Variants in SLC25A19 observed in about 807,000 individuals in gnomAD.
SLC25A19 encodes solute carrier family 25 member 19, also known as mitochondrial thiamine pyrophosphate carrier.
In SLC25A19, 18 loss-of-function variants were observed where a neutral mutation model predicts 27.9. That is an observed-to-expected ratio of 0.64 (90% CI 0.45 to 0.96). The LOEUF (loss-of-function observed/expected upper bound fraction) is 0.96. SLC25A19 is among the 40% of genes least tolerant of loss of function. The pLI is 0.00. For synonymous variants in SLC25A19, 169 were observed against 167.1 expected (o/e 1.01, Z -0.09); for missense variants, 371 against 418.3 (o/e 0.89, Z 0.99).
Position 75,288,506 on chromosome 17 carries a change from G to A in SLC25A19, c.-43C>T, listed in dbSNP as rs2078234658. The A allele has an allele frequency of 1.3e-5, 2 of 151,798 alleles. No individual in the cohort carries two copies. The highest frequency in any genetic ancestry group is 2.9e-5 in the Non-Finnish European group (2 of 67,980). 9.4% of individuals were successfully genotyped at this position (151,798 alleles called of 1,614,324 possible). A position where few individuals can be genotyped will look rare whatever the true frequency, so the allele number is the denominator to read the frequency against. On this transcript the variant is annotated 5_prime_UTR_variant, in exon 2 of 8. Coordinates refer to ENST00000416858, the MANE Select transcript of SLC25A19 (RefSeq NM_001126121.2). ...AACAAAAACAGTAATACCTACATAC[G>A]GTCTGTAGAGTTGTACAAAGCATAG...
rs1184535422 is a variant in SLC25A19 at position 75,274,975 on chromosome 17, T to TTA, written c.775-1337_775-1336insTA. Among the ~76,000 whole-genome samples the TTA allele has an allele frequency of 2.2e-4, 9 of 40,140 alleles. No individual in the cohort carries two copies. In the East Asian group the frequency reaches 3.3e-3, roughly 15 times the overall value. The allele number at this position is 40,140 out of a possible 152,430, so 26.3% of individuals were successfully genotyped here. On this transcript the variant is annotated intron_variant, in intron 7 of 7. Coordinates refer to ENST00000416858, the MANE Select transcript of SLC25A19 (RefSeq NM_001126121.2). Reference sequence around the variant, plus strand: ...GTGAAATTACAAGGGATTTTGGTCTTTTTTTTTTTTTTTTTTTTTTTTTTT... The same window carrying TTA: ...GTGAAATTACAAGGGATTTTGGTCTTTATTTTTTTTTTTTTTTTTTTTTTTTT...
intron 7 of SLC25A19, among the ~76,000 whole-genome samples, chr17:75,277,068 G>T (rs1247909800): frequency 1.3e-5 from 2 of 151,726 alleles, no homozygotes; most frequent in Non-Finnish European, 2.9e-5. Flanking sequence ...AGTCAGGAGG[G>T]TTCAAGACCA....
At chr17:75,284,272 G>A (rs548377335) in intron 4 of SLC25A19, among the ~76,000 whole-genome samples, 3 of 152,252 alleles carry the variant, frequency 2.0e-5, no homozygotes, top group Non-Finnish European at 2.9e-5. Flanking sequence ...GCATGGTGGC[G>A]TGGGCCTGTA....
intron 4 of SLC25A19, among the ~76,000 whole-genome samples, chr17:75,285,649 T>C (rs933517060): frequency 2.0e-5 from 3 of 152,198 alleles, no homozygotes; most frequent in East Asian, 1.9e-4. Flanking sequence ...GGGTTAATTA[T>C]GTAAGCTCTG....
chr17:75,281,881 C>T (rs780851776), intron 5 of SLC25A19, among the ~76,000 whole-genome samples: 4 of 152,156 alleles, frequency 2.6e-5, no homozygotes, highest in Admixed American at 6.6e-5. Context: ...TAGAGCACCC[C>T]GCACAGTGCT....
At chr17:75,282,652 G>C (rs183170072) in intron 5 of SLC25A19, among the ~76,000 whole-genome samples, 3 of 151,922 alleles carry the variant, frequency 2.0e-5, no homozygotes, top group Non-Finnish European at 4.4e-5. Context: ...TCAGGAGATC[G>C]AGACCATCCT....
At position 75,277,362 on chromosome 17, in the gene SLC25A19, G is replaced by A. The variant is rs1280266061; in HGVS notation, c.765C>T (p.Ala255=). ...QVGGFEHARA[A]FGQVRRYKGL... is the part of the protein sequence containing the mutation. ...GGAGTGAACGGCTCACCTGGCCAAA[G>A]GCAGCTCTGGCATGCTCAAACCCTC... The change falls in exon 7 of 8, where the codon GCC becomes GCT. Residue 255 remains alanine (A), a synonymous_variant. Coordinates refer to ENST00000416858, the MANE Select transcript of SLC25A19 (RefSeq NM_001126121.2). The A allele has an allele frequency of 6.2e-7, 1 of 1,613,568 alleles. No individual in the cohort carries two copies.
At chr17:75,287,588 T>C (rs2078213630) in intron 2 of SLC25A19, 1 of 152,214 alleles carries the variant, frequency 6.6e-6, no homozygotes, top group Admixed American at 6.5e-5. Flanking sequence ...TGATAGGCAA[T>C]TGTTGGTCCC....
At chr17:75,286,940 G>T in intron 2 of SLC25A19, 138 bp from the exon 3 acceptor site, 2 of 835,144 alleles carry the variant, frequency 2.4e-6, no homozygotes, top group Non-Finnish European at 1.9e-6. Context: ...AGCGGTTCAT[G>T]CCTGTATCCC....
intron 5 of SLC25A19, among the ~76,000 whole-genome samples, chr17:75,279,701 G>T (rs2077988064): frequency 1.3e-5 from 2 of 151,802 alleles, no homozygotes; most frequent in African/African-American, 2.4e-5. Flanking sequence ...TAGAGACGGG[G>T]TTTCATCATG....
chr17:75,278,243 G>A lies in SLC25A19; in HGVS notation c.552C>T (p.Ala184=), dbSNP rs2077945264. The change falls in exon 6 of 8, where the codon GCC becomes GCT. Residue 184 remains alanine (A), a synonymous_variant. Coordinates refer to ENST00000416858, the MANE Select transcript of SLC25A19 (RefSeq NM_001126121.2). ...ACTGCAGCCCGGCGTAGGGGAAGAT[G>A]GCGATCAAGGTGGGAGCCAAGCCTT... ...FYKGLAPTLI[A]IFPYAGLQFS... 4 of 1,614,100 alleles carry A rather than the reference G, an allele frequency of 2.5e-6. No homozygotes were observed. The highest frequency in any genetic ancestry group is 2.5e-6 in the Non-Finnish European group (3 of 1,180,028).
At chr17:75,280,782 G>GA (rs930462990) in intron 5 of SLC25A19, among the ~76,000 whole-genome samples, 8 of 150,440 alleles carry the variant, frequency 5.3e-5, no homozygotes, top group Non-Finnish European at 8.9e-5. Flanking sequence ...GACTTCATCT[G>GA]AAAAAAAAAT....
At chr17:75,279,671 A>G (rs1029215779) in intron 5 of SLC25A19, among the ~76,000 whole-genome samples, 4 of 151,736 alleles carry the variant, frequency 2.6e-5, no homozygotes, top group African/African-American at 9.7e-5. Context: ...ACCACGCCCA[A>G]CTAATTTTTG....
intron 5 of SLC25A19, among the ~76,000 whole-genome samples, chr17:75,282,975 C>T (rs193072511): frequency 2.7e-5 from 4 of 146,116 alleles, no homozygotes; most frequent in Non-Finnish European, 1.5e-5. Flanking sequence ...GGCAACAGAG[C>T]GAGACTCTGT....
At chr17:75,277,851 A>G (rs2077932145) in intron 6 of SLC25A19, among the ~76,000 whole-genome samples, 1 of 151,284 alleles carries the variant, frequency 6.6e-6, no homozygotes, top group Admixed American at 6.6e-5. Context: ...GGAAAAAGCA[A>G]CTGAAGAACC....
Position 75,289,427 on chromosome 17 carries a change from C to A in SLC25A19, c.-202G>T, listed in dbSNP as rs556292275. 6.6e-6 allele frequency: 1 copy of A among 152,278 alleles called. No individual in the cohort carries two copies. The highest frequency in any genetic ancestry group is 1.5e-5 in the Non-Finnish European group (1 of 68,088). 9.4% of individuals were successfully genotyped at this position (152,278 alleles called of 1,614,324 possible). ...TCCTCGCGCAGTCTTAACAGCAAAA[C>A]TCTACTGAGCTCGGACGAAACTGGC... On this transcript the variant is annotated 5_prime_UTR_variant, in exon 1 of 8. Transcript: ENST00000416858.
At chr17:75,277,225 A>C in intron 7 of SLC25A19, 128 bp downstream of exon 7, 1 of 1,213,334 alleles carries the variant, frequency 8.2e-7, no homozygotes, top group Non-Finnish European at 1.2e-6. Flanking sequence ...ATCTCAAGGA[A>C]TGGACGCAGG....
chr17:75,288,645 T>A (rs2078237471), intron 1 of SLC25A19, 54 bp from the exon 2 acceptor site: 1 of 134,284 alleles, frequency 7.4e-6, no homozygotes, highest in Admixed American at 7.5e-5. Context: ...CTGTTTGAAT[T>A]TGTTATGGCA....
chr17:75,285,949 C>T (rs1343597893), intron 4 of SLC25A19, among the ~76,000 whole-genome samples: 1 of 152,198 alleles, frequency 6.6e-6, no homozygotes, highest in Admixed American at 6.5e-5. Context: ...TGACAGCTAC[C>T]CTGCCCTCCT....
Sources: allele counts gnomAD v4.1 joint callset (sites outside exome capture counted in the v4.1 genomes callset), GRCh38; gene constraint gnomAD v4.1.1; transcripts MANE v1.5; gene names NCBI Gene and HGNC (gene_info 2026-07-23, HGNC 2026-07-21).